The following POU3F3 variants were observed in gnomAD, a reference collection of about 807,000 sequenced individuals.
POU3F3 encodes the protein POU domain, class 3, transcription factor 3.
POU3F3 carries 1 observed loss-of-function variant against 8.6 expected under a neutral mutation model. The observed-to-expected ratio is 0.12, with a 90% confidence interval of 0.04 to 0.55. POU3F3 has a LOEUF of 0.55. Ranked by LOEUF, POU3F3 falls within the 20% of genes least tolerant of loss-of-function variation. POU3F3 has a pLI of 0.91. For missense variants in POU3F3, 577 were observed against 690.7 expected, an observed-to-expected ratio of 0.84 and a Z score of 1.84; for synonymous variants, 418 against 327.4, an observed-to-expected ratio of 1.28 and a Z score of -2.99.
the POU3F3 span, among the ~76,000 whole-genome samples, chr2:104,871,210 T>C: frequency 1.2e-4 from 19 of 152,220 alleles, no homozygotes; most frequent in Admixed American, 1.0e-3. Flanking sequence ...GTAACCACCA[T>C]CATCAGTTAC....
the POU3F3 span, among the ~76,000 whole-genome samples, chr2:104,889,578 A>G: frequency 6.6e-6 from 1 of 152,222 alleles, no homozygotes; most frequent in Non-Finnish European, 1.5e-5. Context: ...AACTCAGCCA[A>G]GGTCCCGGAG....
the POU3F3 span, among the ~76,000 whole-genome samples, chr2:104,877,676 T>C: frequency 6.8e-3 from 1,018 of 150,806 alleles, 14 homozygotes; most frequent in African/African-American, 0.024. Flanking sequence ...TTTTTTTTTT[T>C]TGAGACGGAG....
At chr2:104,919,396 C>T in the POU3F3 span, among the ~76,000 whole-genome samples, 4 of 152,190 alleles carry the variant, frequency 2.6e-5, no homozygotes, top group Non-Finnish European at 4.4e-5. Flanking sequence ...AGCTGTCCAG[C>T]TTTCAGAGCC....
the POU3F3 span, among the ~76,000 whole-genome samples, chr2:104,863,835 G>C: frequency 6.6e-6 from 1 of 152,220 alleles, no homozygotes; most frequent in Non-Finnish European, 1.5e-5. Context: ...AGTCAGAGCG[G>C]AACAGCCTAG....
At chr2:104,888,222 T>C in the POU3F3 span, among the ~76,000 whole-genome samples, 1 of 152,234 alleles carries the variant, frequency 6.6e-6, no homozygotes, top group African/African-American at 2.4e-5. Context: ...TACAGGTTCT[T>C]GTGGGGCAAA....
Position 104,858,533 on chromosome 2 carries a change from T to A in POU3F3, c.*1520T>A, listed in dbSNP as rs1676618665. The A allele has an allele frequency of 6.6e-6, 1 of 152,242 alleles. No homozygotes were observed. Among genetic ancestry groups the A allele is most frequent in the Admixed American group, 6.5e-5 (1 of 15,280 alleles). 9.4% of individuals were successfully genotyped at this position (152,242 alleles called of 1,614,324 possible). ...ATTGTAATTTAATTTGAGTAGTGAT[T>A]CCGTAAGAGCTGATCGAGAAAATAA... On this transcript the variant is annotated 3_prime_UTR_variant, in exon 1 of 1. Transcript: ENST00000361360.
the POU3F3 span, among the ~76,000 whole-genome samples, chr2:104,869,506 G>A: frequency 6.6e-6 from 1 of 152,196 alleles, no homozygotes; most frequent in African/African-American, 2.4e-5. Flanking sequence ...AGTGGAGGGG[G>A]TGCCAGGTTC....
At chr2:104,896,331 G>A in the POU3F3 span, among the ~76,000 whole-genome samples, 12 of 152,156 alleles carry the variant, frequency 7.9e-5, no homozygotes, top group Non-Finnish European at 1.6e-4. Context: ...CCCAGGCCAC[G>A]TGGTGCAATC....
chr2:104,863,920 G>C, the POU3F3 span, among the ~76,000 whole-genome samples: 1 of 152,230 alleles, frequency 6.6e-6, no homozygotes, highest in Non-Finnish European at 1.5e-5. Context: ...AGGCAAGGCC[G>C]GAGGCGGCCG....
chr2:104,887,107 A>G, the POU3F3 span, among the ~76,000 whole-genome samples: 1 of 152,072 alleles, frequency 6.6e-6, no homozygotes, highest in Admixed American at 6.5e-5. Context: ...TGACGTTGCC[A>G]TGGCATTTGT....
the POU3F3 span, among the ~76,000 whole-genome samples, chr2:104,874,312 G>C: frequency 3.9e-5 from 6 of 152,202 alleles, no homozygotes; most frequent in Non-Finnish European, 8.8e-5. Context: ...GCACCGGAGG[G>C]ACTCACCCAT....
At chr2:104,924,401 C>T in the POU3F3 span, among the ~76,000 whole-genome samples, 2 of 152,172 alleles carry the variant, frequency 1.3e-5, no homozygotes, top group Non-Finnish European at 2.9e-5. Context: ...GGGGAGTAAA[C>T]TCAAACCCCA....
chr2:104,893,990 C>T, the POU3F3 span, among the ~76,000 whole-genome samples: 1 of 151,952 alleles, frequency 6.6e-6, no homozygotes, highest in African/African-American at 2.4e-5. Context: ...ATGTACACAC[C>T]ATATTGTATG....
At chr2:104,854,092 C>G, upstream of POU3F3, among the ~76,000 whole-genome samples, 1 of 152,050 alleles carries the variant, frequency 6.6e-6, no homozygotes, top group Non-Finnish European at 1.5e-5. This position sits in a 1 kb window ranked among gnomAD's most constrained non-coding sequence, Gnocchi z 4.5. Flanking sequence ...GTGGTGGGTG[C>G]GCGCTCGCGG....
chr2:104,925,863 C>A, the POU3F3 span: 2 of 152,128 alleles, frequency 1.3e-5, no homozygotes, highest in African/African-American at 4.8e-5. Flanking sequence ...GTTTAAGAAA[C>A]CATTTTGGAC....
the POU3F3 span, chr2:104,867,737 C>A: frequency 0.39 from 63,356 of 161,022 alleles, 12,992 homozygotes; most frequent in East Asian, 0.69. This position sits in a 1 kb window ranked among gnomAD's most constrained non-coding sequence, Gnocchi z 5.0. Flanking sequence ...CGAGGCAGGC[C>A]CTGAAGTCTC....
At chr2:104,908,967 G>A in the POU3F3 span, among the ~76,000 whole-genome samples, 1 of 150,746 alleles carries the variant, frequency 6.6e-6, no homozygotes, top group African/African-American at 2.4e-5. Context: ...CTTTTTTTAA[G>A]TACTTGCACT....
At chr2:104,917,828 A>G in the POU3F3 span, among the ~76,000 whole-genome samples, 28 of 152,074 alleles carry the variant, frequency 1.8e-4, no homozygotes, top group Non-Finnish European at 1.5e-5. Context: ...TTTTCCTCAG[A>G]GTTTACATCA....
the POU3F3 span, among the ~76,000 whole-genome samples, chr2:104,894,927 T>C: frequency 3.3e-5 from 5 of 152,326 alleles, no homozygotes; most frequent in South Asian, 1.0e-3. Flanking sequence ...CTCTTTTTTT[T>C]CTGTGCATGT....
Sources: gnomAD v4.1 joint callset for allele counts (sites outside exome capture counted in the v4.1 genomes callset) on GRCh38, gnomAD v4.1.1 for gene constraint, Gnocchi (gnomAD v3.1) non-coding constraint, MANE v1.5 for transcripts, NCBI Gene and HGNC (gene_info 2026-07-23, HGNC 2026-07-21) for gene names.